MYH16: variants seen among roughly 807,000 people sequenced by gnomAD.
The protein encoded by MYH16 is myosin heavy chain 16.
chr7:99,310,198 G>A (rs1792741363), downstream of MYH16, among the ~76,000 whole-genome samples: 1 of 152,206 alleles, frequency 6.6e-6, no homozygotes, highest in Non-Finnish European at 1.5e-5. Context: ...ATGTGCACAA[G>A]GGCACAGGCT....
intron 20 of MYH16, among the ~76,000 whole-genome samples, chr7:99,276,507 A>G (rs1416984053): frequency 6.6e-6 from 1 of 152,270 alleles, no homozygotes; most frequent in Non-Finnish European, 1.5e-5. Context: ...AGGTGGTAGG[A>G]CCGGACGGAG....
At chr7:99,265,674 G>A (rs1791980089) in exon 17 of MYH16, 1 of 154,054 alleles carries the variant, frequency 6.5e-6, no homozygotes, top group South Asian at 1.8e-4. Flanking sequence ...GCAGTACCCG[G>A]AGTTCAAACA....
chr7:99,244,981 T>C (rs953330199), intron 2 of MYH16, among the ~76,000 whole-genome samples: 31 of 152,148 alleles, frequency 2.0e-4, no homozygotes, highest in Admixed American at 2.0e-3. Flanking sequence ...AGCGCCTCAA[T>C]AGAGCCACTA....
At chr7:99,292,575 C>T (rs1301226387) in intron 32 of MYH16, 67 bp downstream of exon 13, 6 of 439,340 alleles carry the variant, frequency 1.4e-5, no homozygotes, top group Non-Finnish European at 2.8e-5. Flanking sequence ...GCCTCACCAC[C>T]ATGTCAGTCA....
exon 22 of MYH16, chr7:99,279,625 T>C (rs748795464): frequency 1.1e-5 from 5 of 456,476 alleles, no homozygotes; most frequent in South Asian, 7.7e-5. Context: ...GAAGAGGGCA[T>C]GGCGGCCTCA....
intron 30 of MYH16, among the ~76,000 whole-genome samples, chr7:99,290,246 G>A (rs1334737868): frequency 6.6e-6 from 1 of 152,096 alleles, no homozygotes; most frequent in African/African-American, 2.4e-5. Flanking sequence ...CACTTTGGGA[G>A]GCCAAGGCGG....
intron 28 of MYH16, 177 bp from the exon 10 acceptor site, chr7:99,287,715 T>A: frequency 2.5e-5 from 9 of 355,506 alleles, no homozygotes; most frequent in South Asian, 1.9e-4. Context: ...ACACAACACC[T>A]CTAAACAAAT....
chr7:99,260,382 G>C, intron 12 of MYH16: 2 of 791,492 alleles, frequency 2.5e-6, no homozygotes, highest in African/African-American at 1.7e-5. Context: ...AGGGCCAAGG[G>C]ATGTCACTGG....
In MYH16 at chr7:99,244,096, A is replaced by G. The variant is rs115340081; in HGVS notation, n.354+675A>G. On this transcript the variant is annotated intron_variant and non_coding_transcript_variant, in intron 2 of 41. Coordinates refer to ENST00000439784, the Ensembl canonical transcript of MYH16. ...ATCTATCCATCAGTCCAAACATCCA[A>G]ACATTCGTCCACCTATCCAAACATC... Among the ~76,000 whole-genome samples, 474 of 148,402 alleles carry G rather than the reference A, an allele frequency of 3.2e-3. 4 individuals are homozygous for G. The highest frequency in any genetic ancestry group is 0.011 in the African/African-American group (452 of 40,078).
At chr7:99,309,790 G>A (rs967452943), downstream of MYH16, among the ~76,000 whole-genome samples, 1 of 152,210 alleles carries the variant, frequency 6.6e-6, no homozygotes. Context: ...CTGCTATCCT[G>A]CCACCGGCAC....
chr7:99,297,037 T>C (rs1792509768), intron 34 of MYH16, 120 bp downstream of exon 15: 1 of 373,752 alleles, frequency 2.7e-6, no homozygotes, highest in Admixed American at 3.2e-5. Flanking sequence ...TCAATAAATG[T>C]TGACTTTCTA....
chr7:99,287,261 G>A (rs965010802), intron 28 of MYH16, among the ~76,000 whole-genome samples: 3 of 151,710 alleles, frequency 2.0e-5, no homozygotes, highest in Non-Finnish European at 2.9e-5. Context: ...GGCCGGGCAC[G>A]GTGGCTCACG....
chr7:99,300,116 C>T (rs534709263), intron 37 of MYH16, among the ~76,000 whole-genome samples: 14 of 151,830 alleles, frequency 9.2e-5, no homozygotes, highest in East Asian at 3.9e-4. Flanking sequence ...CCCACCACCA[C>T]GCCCAGCTAA....
chr7:99,261,964 A>G (rs1044218413), intron 13 of MYH16: 3 of 152,246 alleles, frequency 2.0e-5, no homozygotes, highest in African/African-American at 7.2e-5. Flanking sequence ...AAGAACAAAA[A>G]AGAACAAACA....
intron 20 of MYH16, among the ~76,000 whole-genome samples, chr7:99,275,046 G>C (rs1403057654): frequency 6.6e-6 from 1 of 152,066 alleles, no homozygotes; most frequent in Admixed American, 6.6e-5. Flanking sequence ...CCAGGCTAGA[G>C]TGCAGTGATG....
At chr7:99,308,392 C>T (rs1233874208), downstream of MYH16, among the ~76,000 whole-genome samples, 1 of 151,408 alleles carries the variant, frequency 6.6e-6, no homozygotes, top group Non-Finnish European at 1.5e-5. Context: ...CAATCAGAAC[C>T]CATCATCCCT....
intron 11 of MYH16, among the ~76,000 whole-genome samples, chr7:99,259,490 C>T (rs1310747596): frequency 6.6e-6 from 1 of 152,010 alleles, no homozygotes; most frequent in East Asian, 1.9e-4. Context: ...CAGAGTTTCA[C>T]ACTTTTTCCC....
At chr7:99,298,175 AG>A (rs1792531486) in intron 36 of MYH16, among the ~76,000 whole-genome samples, 180 bp downstream of exon 17, 1 of 151,452 alleles carries the variant, frequency 6.6e-6, no homozygotes, top group Non-Finnish European at 1.5e-5. Flanking sequence ...TACCGTGTCT[AG>A]TTTATGAACA....
At chr7:99,308,671 G>A (rs190111589), downstream of MYH16, among the ~76,000 whole-genome samples, 101 of 152,290 alleles carry the variant, frequency 6.6e-4, no homozygotes, top group Middle Eastern at 3.4e-3. Flanking sequence ...GGTGGGCCCA[G>A]CATCTGTGAT....
Sources: gnomAD v4.1 joint callset for allele counts (sites outside exome capture counted in the v4.1 genomes callset) on GRCh38, gnomAD v4.1.1 for gene constraint, MANE v1.5 for transcripts, NCBI Gene and HGNC (gene_info 2026-07-23, HGNC 2026-07-21) for gene names.